The following RBFOX3 variants were observed in gnomAD, a reference collection of about 807,000 sequenced individuals.
The protein encoded by RBFOX3 is RNA binding fox-1 homolog 3.
Under a neutral mutation model 48.7 loss-of-function variants are expected in RBFOX3, and 17 were observed. The observed-to-expected ratio is 0.35, with a 90% confidence interval of 0.24 to 0.52. The LOEUF is 0.52. Among genes scored for constraint, RBFOX3 ranks in the 20% least tolerant of loss-of-function variants. The probability of loss-of-function intolerance (pLI) is 0.94; values close to 1 mark genes in which losing one functional copy is unlikely to be tolerated. For synonymous variants in RBFOX3, 212 were observed against 209.5 expected, an observed-to-expected ratio of 1.01 and a Z score of -0.10; for missense variants, 382 against 497.5, an observed-to-expected ratio of 0.77 and a Z score of 2.21.
intron 4 of RBFOX3, among the ~76,000 whole-genome samples, chr17:79,131,777 C>A (rs79686189): frequency 0.02 from 3,012 of 152,268 alleles, 104 homozygotes; most frequent in African/African-American, 0.069. Flanking sequence ...TGCCAGGGGC[C>A]TCCCTGCTCT....
intron 1 of RBFOX3, among the ~76,000 whole-genome samples, chr17:79,546,668 T>C (rs1276047056): frequency 2.3e-5 from 3 of 132,758 alleles, no homozygotes; most frequent in Admixed American, 7.3e-5. Flanking sequence ...TTCCTCATTC[T>C]ATTTTTTTTT....
intron 4 of RBFOX3, among the ~76,000 whole-genome samples, chr17:79,143,380 T>TGGG (rs201977497): frequency 8.6e-5 from 2 of 23,270 alleles, no homozygotes; most frequent in Admixed American, 1.0e-3. Flanking sequence ...GAGCGGGGGG[T>TGGG]GGGGGGGGGT....
At chr17:79,131,609 T>C (rs1162689477) in intron 4 of RBFOX3, among the ~76,000 whole-genome samples, 2 of 152,258 alleles carry the variant, frequency 1.3e-5, no homozygotes, top group East Asian at 1.9e-4. Flanking sequence ...CATGTTTTCA[T>C]GCACGGGTAT....
chr17:79,258,407 C>A (rs1312220007), intron 3 of RBFOX3, among the ~76,000 whole-genome samples: 1 of 152,228 alleles, frequency 6.6e-6, no homozygotes, highest in East Asian at 1.9e-4. Context: ...TTCCTCAGAA[C>A]CCACCAGGTG....
At chr17:79,589,816 G>A (rs1314751097) in intron 1 of RBFOX3, among the ~76,000 whole-genome samples, 1 of 152,196 alleles carries the variant, frequency 6.6e-6, no homozygotes, top group African/African-American at 2.4e-5. Context: ...GTCTCGGCAA[G>A]GCCCAGGCAT....
chr17:79,616,981 C>G, the RBFOX3 span, among the ~76,000 whole-genome samples: 8 of 152,110 alleles, frequency 5.3e-5, no homozygotes, highest in African/African-American at 9.7e-5. Context: ...GAGAGGTGTT[C>G]GGCCCTCACA....
chr17:79,237,779 A>G (rs1047251563), intron 3 of RBFOX3, among the ~76,000 whole-genome samples: 14 of 152,174 alleles, frequency 9.2e-5, no homozygotes, highest in African/African-American at 3.4e-4. Flanking sequence ...AAAATGGCAA[A>G]GGTAACTTCT....
intron 3 of RBFOX3, among the ~76,000 whole-genome samples, chr17:79,306,030 C>G (rs906343916): frequency 6.6e-6 from 1 of 152,242 alleles, no homozygotes; most frequent in Non-Finnish European, 1.5e-5. Context: ...AAAGCAGCAG[C>G]GTCTACAGTC....
rs540386750 is a variant in RBFOX3 at position 79,198,849 on chromosome 17, G to A, written c.-34+36917C>T. Among the ~76,000 whole-genome samples the A allele has an allele frequency of 3.3e-4, 50 of 152,086 alleles. No homozygotes were observed. Among genetic ancestry groups the A allele is most frequent in the Admixed American group, 2.8e-3 (43 of 15,260 alleles). ...TCATCATGTTGGCCAGGCTAATCTCGAACTCCTGACCTCAGGTGATCCACT... is the reference window on the plus strand; with the variant it reads ...TCATCATGTTGGCCAGGCTAATCTCAAACTCCTGACCTCAGGTGATCCACT... On this transcript the variant is annotated intron_variant, in intron 4 of 14. Coordinates refer to ENST00000693108, the MANE Select transcript of RBFOX3 (RefSeq NM_001350451.2). This position sits in a 1 kb window ranked among gnomAD's most constrained non-coding sequence, Gnocchi z 8.2.
At chr17:79,635,602 T>C in the RBFOX3 span, among the ~76,000 whole-genome samples, 1 of 152,088 alleles carries the variant, frequency 6.6e-6, no homozygotes, top group African/African-American at 2.4e-5. Context: ...AACTTCTGGC[T>C]AAAAACAAAC....
intron 1 of RBFOX3, among the ~76,000 whole-genome samples, chr17:79,563,228 A>C (rs933001655): frequency 2.3e-4 from 35 of 152,352 alleles, no homozygotes; most frequent in African/African-American, 7.7e-4. Context: ...TTTGAAAAAA[A>C]AAAAACAAAA....
At chr17:79,460,157 G>C (rs1399097449) in intron 2 of RBFOX3, among the ~76,000 whole-genome samples, 1 of 152,164 alleles carries the variant, frequency 6.6e-6, no homozygotes, top group Non-Finnish European at 1.5e-5. Context: ...GATGATGAAA[G>C]TGTTCTAGAA....
rs1319464518 is a variant in RBFOX3, at chr17:79,594,453, C to G, written c.-320+16373G>C. Among the ~76,000 whole-genome samples, 5 of 152,278 alleles carry G rather than the reference C, an allele frequency of 3.3e-5. No individual in the cohort carries two copies. In the South Asian group the frequency reaches 1.0e-3, roughly 32 times the overall value. ...TGCTCCTGTTCACACCACCAGCCAGCCCCCTCCAGGCTCTGCCTCCCACAT... is the reference window on the plus strand; with the variant it reads ...TGCTCCTGTTCACACCACCAGCCAGGCCCCTCCAGGCTCTGCCTCCCACAT... On this transcript the variant is annotated intron_variant, in intron 1 of 14. Coordinates refer to ENST00000693108, the MANE Select transcript of RBFOX3 (RefSeq NM_001350451.2).
At chr17:79,117,445 A>G (rs2147063627) in intron 4 of RBFOX3, among the ~76,000 whole-genome samples, 1 of 152,246 alleles carries the variant, frequency 6.6e-6, no homozygotes, top group East Asian at 1.9e-4. Context: ...CTTTGTTCAC[A>G]CCACACACGT....
intron 2 of RBFOX3, among the ~76,000 whole-genome samples, chr17:79,400,332 C>T (rs1241061396): frequency 2.6e-5 from 4 of 152,126 alleles, no homozygotes; most frequent in East Asian, 1.9e-4. Flanking sequence ...GAGGGGCTCC[C>T]GGGCTTGTAG....
At chr17:79,475,579 T>C (rs113188174) in intron 2 of RBFOX3, among the ~76,000 whole-genome samples, 9,836 of 152,126 alleles carry the variant, frequency 0.065, 363 homozygotes, top group Middle Eastern at 0.088. Context: ...TTTGCAGATG[T>C]GATGAAGGTA....
At chr17:79,372,424 C>G (rs2058685809) in intron 2 of RBFOX3, among the ~76,000 whole-genome samples, 1 of 148,840 alleles carries the variant, frequency 6.7e-6, no homozygotes, top group African/African-American at 2.5e-5. Context: ...TGGCTCTCCT[C>G]AGTCTTATGA....
At chr17:79,326,192 G>C (rs976811454) in intron 2 of RBFOX3, among the ~76,000 whole-genome samples, 4 of 152,190 alleles carry the variant, frequency 2.6e-5, no homozygotes, top group East Asian at 1.9e-4. Context: ...GGTGGATGGT[G>C]GTGGGCCCCT....
chr17:79,384,196 T>G (rs1348294825), intron 2 of RBFOX3, among the ~76,000 whole-genome samples: 1 of 152,096 alleles, frequency 6.6e-6, no homozygotes, highest in Non-Finnish European at 1.5e-5. Context: ...CAAAGAGGGT[T>G]TCTGAGCCTC....
Sources: gnomAD v4.1 joint callset for allele counts (sites outside exome capture counted in the v4.1 genomes callset) on GRCh38, gnomAD v4.1.1 for gene constraint, Gnocchi (gnomAD v3.1) non-coding constraint, MANE v1.5 for transcripts, NCBI Gene and HGNC (gene_info 2026-07-23, HGNC 2026-07-21) for gene names.